The following MAP3K2 variants were observed in gnomAD, a reference collection of about 807,000 sequenced individuals.
MAP3K2 encodes the protein MAP/ERK kinase kinase 2.
In MAP3K2, 24 loss-of-function variants were observed where a neutral mutation model predicts 80.3. The ratio of observed to expected loss-of-function variants is 0.30; its 90% CI spans 0.22 to 0.42. The LOEUF (loss-of-function observed/expected upper bound fraction) is 0.42. Among genes scored for constraint, MAP3K2 ranks in the 10% least tolerant of loss-of-function variants. The probability of loss-of-function intolerance (pLI) is 1.00; values close to 1 mark genes in which losing one functional copy is unlikely to be tolerated. For synonymous variants in MAP3K2, 244 were observed against 253.7 expected (o/e 0.96, Z 0.36); for missense variants, 608 against 750.1 (o/e 0.81, Z 2.21).
Position 127,339,019 on chromosome 2 carries a change from T to C in MAP3K2, c.36A>G (p.Gln12=). 6.2e-7 allele frequency: 1 copy of C among 1,612,288 alleles called. No individual in the cohort carries two copies. The highest frequency in any genetic ancestry group is 8.5e-7 in the Non-Finnish European group (1 of 1,179,128). The change falls in exon 3 of 17, where the codon CAA becomes CAG. Residue 12 remains glutamine (Q), a synonymous_variant. Transcript: ENST00000682094. This position sits in a 1 kb window ranked among gnomAD's most constrained non-coding sequence, Gnocchi z 4.2. ...DDQQALNSIM[Q]DLAVLHKASR... The stretch of plus-strand genomic sequence containing the variant: ...TGGCCTTATGAAGGACAGCCAAATC[T>C]TGCATGATTGAGTTCAAAGCTTGCT...
intron 15 of MAP3K2, 76 bp from the exon 16 acceptor site, chr2:127,308,838 G>T (rs781285501): frequency 1.3e-5 from 19 of 1,432,568 alleles, no homozygotes; most frequent in Non-Finnish European, 1.7e-5. Context: ...CAATGGCAGA[G>T]AATTACTTCA....
In MAP3K2 at chr2:127,387,953, G is replaced by A; in HGVS notation, c.-567C>T. The A allele has an allele frequency of 1.0e-6, 1 of 984,742 alleles. No homozygotes were observed. The highest frequency in any genetic ancestry group is 1.2e-6 in the Non-Finnish European group (1 of 829,704). 61.0% of individuals were successfully genotyped at this position (984,742 alleles called of 1,614,324 possible). A position where few individuals can be genotyped will look rare whatever the true frequency, so the allele number is the denominator to read the frequency against. Reference sequence around the variant, plus strand: ...GCCGCTGAGGGCAGGCAGCCCGGCAGCCACTACACACGGACCCGTGACGTC... The same window carrying A: ...GCCGCTGAGGGCAGGCAGCCCGGCAACCACTACACACGGACCCGTGACGTC... On this transcript the variant is annotated 5_prime_UTR_variant, in exon 1 of 17. Transcript: ENST00000682094.
chr2:127,338,308 T>C (rs1337378913), intron 3 of MAP3K2, among the ~76,000 whole-genome samples: 1 of 152,184 alleles, frequency 6.6e-6, no homozygotes, highest in Non-Finnish European at 1.5e-5. Flanking sequence ...AATGCTACAA[T>C]TCTTTATGAA....
chr2:127,388,136 C>T, upstream of MAP3K2: 3 of 985,126 alleles, frequency 3.0e-6, no homozygotes, highest in East Asian at 3.4e-4. Context: ...ACCGCCCCCA[C>T]CGGCCGGACG....
intron 12 of MAP3K2, among the ~76,000 whole-genome samples, chr2:127,319,042 G>A (rs1006155417): frequency 2.6e-5 from 4 of 152,118 alleles, no homozygotes; most frequent in African/African-American, 7.2e-5. Flanking sequence ...AGGAGCAGGA[G>A]ACACCAGGGA....
At chr2:127,324,033 A>G (rs747453582) in intron 10 of MAP3K2, 39 bp from the exon 11 acceptor site, 7 of 1,173,924 alleles carry the variant, frequency 6.0e-6, no homozygotes, top group African/African-American at 1.6e-5. Context: ...TTATTTAAAA[A>G]AAAAAGTTAA....
At chr2:127,319,715 C>T (rs186254939) in intron 12 of MAP3K2, among the ~76,000 whole-genome samples, 5 of 148,180 alleles carry the variant, frequency 3.4e-5, no homozygotes, top group East Asian at 2.0e-4. Context: ...GGCAGATGCC[C>T]GCAATCCCAG....
At chr2:127,343,347 G>C in intron 1 of MAP3K2, 153 bp from the exon 2 acceptor site, 1 of 475,690 alleles carries the variant, frequency 2.1e-6, no homozygotes, top group Non-Finnish European at 3.7e-6. Context: ...TTATATTGAA[G>C]GTTGATCATG....
intron 5 of MAP3K2, among the ~76,000 whole-genome samples, chr2:127,331,228 GA>G (rs1209284584): frequency 2.6e-5 from 4 of 151,998 alleles, no homozygotes; most frequent in Admixed American, 2.6e-4. Context: ...TACAATTTAA[GA>G]AATAAAAATA....
intron 13 of MAP3K2, among the ~76,000 whole-genome samples, 156 bp downstream of exon 13, chr2:127,318,013 T>C (rs1028743994): frequency 6.7e-6 from 1 of 150,008 alleles, no homozygotes; most frequent in Non-Finnish European, 1.5e-5. Flanking sequence ...ACATATCTAA[T>C]CTGTTTTACA....
chr2:127,388,202 GCC>G (rs1171651554), upstream of MAP3K2: 78 of 985,128 alleles, frequency 7.9e-5, no homozygotes, highest in Non-Finnish European at 9.4e-5. Flanking sequence ...CCCCGCCCCT[GCC>G]CCGGGGCAGC....
rs1477187963 is a variant in MAP3K2, at chr2:127,304,049, T to C, written c.*3530A>G. 1 of 152,174 alleles carries C rather than the reference T, an allele frequency of 6.6e-6. No homozygotes were observed. The highest frequency in any genetic ancestry group is 1.5e-5 in the Non-Finnish European group (1 of 68,014). The allele number at this position is 152,174 out of a possible 1,614,324, so 9.4% of individuals were successfully genotyped here. On this transcript the variant is annotated 3_prime_UTR_variant, in exon 17 of 17. Coordinates refer to ENST00000682094, the MANE Select transcript of MAP3K2 (RefSeq NM_001371910.2). ...TTCTTTGGGAATAAGGTAAAGACTC[T>C]CTCAAGTGAAAGCCAATCCAATTCA...
chr2:127,362,509 A>T (rs1686909083), intron 1 of MAP3K2, among the ~76,000 whole-genome samples: 1 of 152,260 alleles, frequency 6.6e-6, no homozygotes, highest in South Asian at 2.1e-4. Flanking sequence ...TACAAATCTT[A>T]ATTTTTTTTC....
chr2:127,308,849 T>C, intron 15 of MAP3K2, 87 bp from the exon 16 acceptor site: 4 of 1,363,682 alleles, frequency 2.9e-6, no homozygotes, highest in East Asian at 2.4e-5. Context: ...AATTACTTCA[T>C]AGACTCTTTG....
chr2:127,359,613 T>G (rs974831809), intron 1 of MAP3K2, among the ~76,000 whole-genome samples: 1 of 152,174 alleles, frequency 6.6e-6, no homozygotes, highest in African/African-American at 2.4e-5. Flanking sequence ...AAATCTCATG[T>G]TGAAATGTAA....
intron 1 of MAP3K2, among the ~76,000 whole-genome samples, chr2:127,376,554 C>T (rs115015627): frequency 0.017 from 2,649 of 152,190 alleles, 74 homozygotes; most frequent in African/African-American, 0.057. Context: ...CCAGGGTCTG[C>T]GGGTTGGACC....
At chr2:127,355,650 T>C (rs1317824529) in intron 1 of MAP3K2, among the ~76,000 whole-genome samples, 2 of 152,156 alleles carry the variant, frequency 1.3e-5, no homozygotes, top group African/African-American at 2.4e-5. Flanking sequence ...GTGGTGGTGG[T>C]TGCTGAAGGT....
chr2:127,347,484 A>C (rs1454054203), intron 1 of MAP3K2, among the ~76,000 whole-genome samples: 1 of 152,138 alleles, frequency 6.6e-6, no homozygotes, highest in East Asian at 1.9e-4. Flanking sequence ...AATTTCATTT[A>C]CAATACCACC....
intron 1 of MAP3K2, 89 bp from the exon 2 acceptor site, chr2:127,343,283 T>TAATGAAAA (rs1686535488): frequency 3.4e-6 from 2 of 588,110 alleles, no homozygotes; most frequent in Admixed American, 3.1e-5. Context: ...TAAATAATAC[T>TAATGAAAA]AATGAAAAAT....
Sources: allele counts gnomAD v4.1 joint callset (sites outside exome capture counted in the v4.1 genomes callset), GRCh38; gene constraint gnomAD v4.1.1; non-coding constraint Gnocchi (gnomAD v3.1); transcripts MANE v1.5; gene names NCBI Gene and HGNC (gene_info 2026-07-23, HGNC 2026-07-21).